The following KHDC1 variants were observed in gnomAD, a reference collection of about 807,000 sequenced individuals.
KHDC1 encodes KH homology domain-containing protein 1.
In KHDC1, 21 loss-of-function variants were observed where a neutral mutation model predicts 24.7. The observed-to-expected ratio is 0.85, with a 90% CI of 0.60 to 1.23. KHDC1 has a LOEUF of 1.23. KHDC1 is among the 50% of genes most tolerant of loss of function. KHDC1 has a pLI of 0.00. For missense variants in KHDC1, 274 were observed against 298.5 expected, an observed-to-expected ratio of 0.92 and a Z score of 0.61; for synonymous variants, 98 against 111.7, an observed-to-expected ratio of 0.88 and a Z score of 0.77.
chr6:73,259,447 C>T (rs1215200907), intron 2 of KHDC1, among the ~76,000 whole-genome samples: 2 of 152,040 alleles, frequency 1.3e-5, no homozygotes, highest in African/African-American at 4.8e-5. Context: ...CAGCCATGCA[C>T]TACCACACCT....
chr6:73,309,534 G>T, intron 1 of KHDC1: 2 of 1,495,884 alleles, frequency 1.3e-6, no homozygotes, highest in Non-Finnish European at 1.8e-6. Flanking sequence ...TCCTACCAGG[G>T]CCCCTAAAGC....
intron 1 of KHDC1, among the ~76,000 whole-genome samples, chr6:73,296,417 C>T (rs1161456876): frequency 6.6e-6 from 1 of 152,092 alleles, no homozygotes; most frequent in Non-Finnish European, 1.5e-5. Flanking sequence ...CATGCCACTG[C>T]ACTGTAGCCT....
intron 1 of KHDC1, among the ~76,000 whole-genome samples, chr6:73,304,729 G>A (rs887120456): frequency 1.3e-5 from 2 of 152,146 alleles, no homozygotes; most frequent in African/African-American, 4.8e-5. Context: ...GCTAGACTTA[G>A]CCTAATAATT....
intron 2 of KHDC1, among the ~76,000 whole-genome samples, chr6:73,251,695 C>G (rs944613324): frequency 3.3e-5 from 5 of 152,038 alleles, no homozygotes; most frequent in Admixed American, 3.3e-4. Flanking sequence ...ACCATAGATT[C>G]AGCCATTTTG....
intron 2 of KHDC1, among the ~76,000 whole-genome samples, chr6:73,265,738 A>ACCTTG (rs1186089196): frequency 6.6e-6 from 1 of 152,164 alleles, no homozygotes; most frequent in Non-Finnish European, 1.5e-5. Flanking sequence ...TTACCCTCTT[A>ACCTTG]GAGTACACTT....
chr6:73,297,980 C>A (rs181107134), intron 1 of KHDC1, among the ~76,000 whole-genome samples: 1 of 152,122 alleles, frequency 6.6e-6, no homozygotes, highest in East Asian at 1.9e-4. Context: ...CACATGACTC[C>A]GGGAGTTTGA....
Position 73,293,706 on chromosome 6 carries a change from G to A in KHDC1, c.164-1666C>T, listed in dbSNP as rs377436404. Among the ~76,000 whole-genome samples the A allele has an allele frequency of 8.0e-4, 122 of 152,130 alleles. 1 individual carries two copies. Among genetic ancestry groups the A allele is most frequent in the African/African-American group, 2.4e-3 (99 of 41,522 alleles). ...AGAATCACTTGACCTGGGATTACAA[G>A]TGTAATCCCAGCCATAGGCTGGGTG... On this transcript the variant is annotated intron_variant, in intron 1 of 4. Transcript: ENST00000370384.
chr6:73,263,064 G>A (rs373485269), intron 2 of KHDC1: 2 of 109,576 alleles, frequency 1.8e-5, no homozygotes, highest in Non-Finnish European at 2.6e-5. Flanking sequence ...CGGCGGCGGC[G>A]GCGGCAGCGG....
At chr6:73,306,806 A>T (rs530326126) in intron 1 of KHDC1, among the ~76,000 whole-genome samples, 246 of 152,264 alleles carry the variant, frequency 1.6e-3, no homozygotes, top group Middle Eastern at 6.8e-3. Context: ...CAAGAGATCG[A>T]GACCATCCTG....
At chr6:73,261,386 T>C (rs1166154499) in intron 2 of KHDC1, among the ~76,000 whole-genome samples, 1 of 151,874 alleles carries the variant, frequency 6.6e-6, no homozygotes, top group African/African-American at 2.4e-5. Flanking sequence ...GGGATTGCAG[T>C]GAGCTAAGAT....
intron 2 of KHDC1, among the ~76,000 whole-genome samples, chr6:73,265,935 G>T (rs1025233534): frequency 1.3e-5 from 2 of 151,530 alleles, no homozygotes; most frequent in East Asian, 1.9e-4. Context: ...TCTTTTTTTT[G>T]GGGGGAGACG....
intron 2 of KHDC1, among the ~76,000 whole-genome samples, chr6:73,265,059 G>T (rs1767055864): frequency 6.6e-6 from 1 of 152,110 alleles, no homozygotes; most frequent in Non-Finnish European, 1.5e-5. Flanking sequence ...TGGATGCAGG[G>T]TGTAGTTTCA....
intron 2 of KHDC1, among the ~76,000 whole-genome samples, chr6:73,252,389 A>C (rs916088354): frequency 2.0e-5 from 3 of 152,114 alleles, no homozygotes; most frequent in African/African-American, 7.2e-5. Context: ...TTTTTTATAG[A>C]TATCACAATG....
At chr6:73,295,863 G>A (rs554120699) in intron 1 of KHDC1, among the ~76,000 whole-genome samples, 2 of 138,998 alleles carry the variant, frequency 1.4e-5, no homozygotes, top group East Asian at 2.3e-4. Flanking sequence ...AAAAAAAGGC[G>A]GGGCACGGTG....
chr6:73,254,778 G>A (rs535368397), intron 2 of KHDC1, among the ~76,000 whole-genome samples: 8 of 151,976 alleles, frequency 5.3e-5, no homozygotes, highest in South Asian at 2.1e-4. Flanking sequence ...CGAGGTGGGC[G>A]GATCACGAGG....
At chr6:73,264,398 A>G (rs570748874) in intron 2 of KHDC1, among the ~76,000 whole-genome samples, 333 of 152,330 alleles carry the variant, frequency 2.2e-3, no homozygotes, top group Non-Finnish European at 3.7e-3. Context: ...CTTCTGGCCT[A>G]TCAGCTAGTT....
intron 2 of KHDC1, among the ~76,000 whole-genome samples, chr6:73,288,142 A>G (rs1044756602): frequency 6.6e-6 from 1 of 152,222 alleles, no homozygotes; most frequent in Non-Finnish European, 1.5e-5. Flanking sequence ...CAAAAATCAG[A>G]TGGATCCGAG....
intron 2 of KHDC1, among the ~76,000 whole-genome samples, chr6:73,248,954 AAAAG>A (rs919890923): frequency 4.6e-5 from 7 of 151,770 alleles, no homozygotes; most frequent in Non-Finnish European, 8.8e-5. Flanking sequence ...AAAAAAAAAA[AAAAG>A]AAAGAAAGAA....
intron 2 of KHDC1, chr6:73,284,575 CT>C (rs1267820937): frequency 6.6e-6 from 1 of 152,098 alleles, no homozygotes; most frequent in Non-Finnish European, 1.5e-5. Context: ...TGTCTCTCTG[CT>C]TGGCTGGCCT....
Sources: allele counts gnomAD v4.1 joint callset (sites outside exome capture counted in the v4.1 genomes callset), GRCh38; gene constraint gnomAD v4.1.1; transcripts MANE v1.5; gene names NCBI Gene and HGNC (gene_info 2026-07-23, HGNC 2026-07-21).